Variants in ZC3H14 observed in about 807,000 individuals in gnomAD.
ZC3H14 encodes the protein zinc finger CCCH-type containing 14, also known as zinc finger CCCH domain-containing protein 14.
A neutral mutation model predicts 92.4 loss-of-function variants in ZC3H14; 31 were observed. The ratio of observed to expected loss-of-function variants is 0.34; its 90% CI spans 0.25 to 0.45. The LOEUF (loss-of-function observed/expected upper bound fraction) is 0.45. ZC3H14 is among the 20% of genes least tolerant of loss of function. ZC3H14 has a pLI of 1.00. For missense variants in ZC3H14, 781 were observed against 897.3 expected, an observed-to-expected ratio of 0.87 and a Z score of 1.66; for synonymous variants, 321 against 300.9, an observed-to-expected ratio of 1.07 and a Z score of -0.69.
rs989632826 is a variant in ZC3H14, at chr14:88,616,273, A to G, written c.*4522A>G. The G allele has an allele frequency of 6.2e-7, 1 of 1,601,578 alleles. No homozygotes were observed. Among genetic ancestry groups the G allele is most frequent in the African/African-American group, 1.3e-5 (1 of 74,778 alleles). ...AAACAATGACAGACAAGCTCAGGGC[A>G]TTTGGTGCACACAGAAGTCAAAGGC... is the stretch of plus-strand genomic sequence containing the variant. On this transcript the variant is annotated 3_prime_UTR_variant, in exon 17 of 17. Coordinates refer to ENST00000251038, the MANE Select transcript of ZC3H14 (RefSeq NM_024824.5).
At chr14:88,588,708 G>T (rs551642185) in intron 9 of ZC3H14, among the ~76,000 whole-genome samples, 1 of 152,204 alleles carries the variant, frequency 6.6e-6, no homozygotes, top group Non-Finnish European at 1.5e-5. Flanking sequence ...AAAATTTGCT[G>T]TCCTTGTTTT....
At chr14:88,577,560 T>G (rs1020874295) in intron 8 of ZC3H14, among the ~76,000 whole-genome samples, 22 of 152,138 alleles carry the variant, frequency 1.4e-4, no homozygotes, top group East Asian at 3.9e-4. Context: ...TATATGTTCT[T>G]TTCTTTTCTT....
In ZC3H14 at chr14:88,586,620, T is replaced by G. The variant is rs535701880; in HGVS notation, c.1279+8480T>G. The G allele has an allele frequency of 3.9e-5, 6 of 152,364 alleles. No individual in the cohort carries two copies. In the East Asian group the frequency reaches 1.2e-3, roughly 29 times the overall value. The allele number at this position is 152,364 out of a possible 1,614,324, so 9.4% of individuals were successfully genotyped here. ...GCTTTCAAGATCTTCTCTTTGTGTTTGATGTTCTGCAGTTTCACTACGATG... is the reference window on the plus strand; with the variant it reads ...GCTTTCAAGATCTTCTCTTTGTGTTGGATGTTCTGCAGTTTCACTACGATG... On this transcript the variant is annotated intron_variant, in intron 9 of 16. Transcript: ENST00000251038.
At position 88,616,706 on chromosome 14, in the gene ZC3H14, T is replaced by C. The variant is rs1286293245; in HGVS notation, c.*4955T>C. The stretch of plus-strand genomic sequence containing the variant: ...AAAATTAGGAGTAAACTGATAATAG[T>C]AAACAAAACACAAACTTACAAATTT... On this transcript the variant is annotated 3_prime_UTR_variant, in exon 17 of 17. Transcript: ENST00000251038. The C allele has an allele frequency of 6.2e-7, 1 of 1,604,340 alleles. No homozygotes were observed.
chr14:88,565,262 C>T (rs949797439), intron 2 of ZC3H14, among the ~76,000 whole-genome samples: 5 of 151,996 alleles, frequency 3.3e-5, no homozygotes, highest in African/African-American at 7.3e-5. Context: ...TTGCCTCAGC[C>T]TCCCGAGTAG....
At chr14:88,581,721 C>T (rs1187322602) in intron 9 of ZC3H14, among the ~76,000 whole-genome samples, 2 of 152,034 alleles carry the variant, frequency 1.3e-5, no homozygotes, top group Non-Finnish European at 2.9e-5. Flanking sequence ...AGGATGCAGG[C>T]GCCAACTTAG....
chr14:88,604,239 AAT>A (rs940431066), intron 12 of ZC3H14, among the ~76,000 whole-genome samples: 3 of 152,158 alleles, frequency 2.0e-5, no homozygotes, highest in African/African-American at 7.2e-5. Flanking sequence ...CACCATAAAT[AAT>A]ATGTTAGTAA....
chr14:88,621,378 T>C lies in ZC3H14; in HGVS notation c.*9627T>C, dbSNP rs2088889912. 4 of 1,554,190 alleles carry C rather than the reference T, an allele frequency of 2.6e-6. No individual in the cohort carries two copies. The South Asian group carries it at 4.5e-5, about 18-fold the overall frequency. ...CTTCTTCATAATATAAAAATGACCC[T>C]ATTGACCTGCTTTCAGAGAACTTTT... is the stretch of plus-strand genomic sequence containing the variant. On this transcript the variant is annotated 3_prime_UTR_variant, in exon 17 of 17. Transcript: ENST00000251038.
chr14:88,615,399 A>G lies in ZC3H14; in HGVS notation c.*3648A>G, dbSNP rs114068875. The G allele has an allele frequency of 3.7e-3, 578 of 156,442 alleles. 7 individuals carry two copies. Among genetic ancestry groups the G allele is most frequent in the African/African-American group, 0.013 (561 of 41,754 alleles). The allele number at this position is 156,442 out of a possible 1,614,324, so 9.7% of individuals were successfully genotyped here. A position where few individuals can be genotyped will look rare whatever the true frequency, so the allele number is the denominator to read the frequency against. Reference sequence around the variant, plus strand: ...AAATGCAAGAATAAAATATTTCATTAAACAATGAACCTTGAAAATAAAATA... The same window carrying G: ...AAATGCAAGAATAAAATATTTCATTGAACAATGAACCTTGAAAATAAAATA... On this transcript the variant is annotated 3_prime_UTR_variant, in exon 17 of 17. Coordinates refer to ENST00000251038, the MANE Select transcript of ZC3H14 (RefSeq NM_024824.5).
intron 9 of ZC3H14, among the ~76,000 whole-genome samples, chr14:88,588,761 CTTACT>C (rs2139862499): frequency 6.6e-6 from 1 of 152,184 alleles, no homozygotes; most frequent in Non-Finnish European, 1.5e-5. Context: ...ATGATAAGCC[CTTACT>C]TTAATCTGTC....
intron 14 of ZC3H14, 107 bp from the exon 15 acceptor site, chr14:88,609,605 T>C (rs1419981639): frequency 7.0e-6 from 10 of 1,421,482 alleles, no homozygotes; most frequent in Middle Eastern, 1.7e-4. Context: ...AACCTTACCA[T>C]TCTAATTTAA....
intron 9 of ZC3H14, chr14:88,594,557 T>G: frequency 6.9e-7 from 1 of 1,457,834 alleles, no homozygotes; most frequent in Non-Finnish European, 9.0e-7. Context: ...AACCCCATCT[T>G]TTGAATTACA....
intron 3 of ZC3H14, among the ~76,000 whole-genome samples, chr14:88,570,568 A>G (rs921686328): frequency 3.9e-5 from 6 of 152,194 alleles, no homozygotes; most frequent in African/African-American, 1.4e-4. Flanking sequence ...AATAAGCAAT[A>G]TTACATGTTT....
In ZC3H14 at chr14:88,616,292, C is replaced by G; in HGVS notation, c.*4541C>G. The G allele has an allele frequency of 1.3e-6, 2 of 1,544,540 alleles. No homozygotes were observed. The highest frequency in any genetic ancestry group is 1.8e-6 in the Non-Finnish European group (2 of 1,117,454). On this transcript the variant is annotated 3_prime_UTR_variant, in exon 17 of 17. Coordinates refer to ENST00000251038, the MANE Select transcript of ZC3H14 (RefSeq NM_024824.5). ...CAGGGCATTTGGTGCACACAGAAGT[C>G]AAAGGCTCTTATTAGGAACTATAAT...
At chr14:88,586,262 T>C (rs995321932) in intron 9 of ZC3H14, among the ~76,000 whole-genome samples, 1 of 152,258 alleles carries the variant, frequency 6.6e-6, no homozygotes, top group Non-Finnish European at 1.5e-5. Flanking sequence ...TGTTTATCAT[T>C]TTACTTATTC....
chr14:88,601,842 T>G (rs2084691917), intron 10 of ZC3H14, 82 bp from the exon 11 acceptor site: 12 of 1,501,826 alleles, frequency 8.0e-6, no homozygotes, highest in Non-Finnish European at 1.1e-5. Context: ...TATAAAAGAT[T>G]GACATTCTTC....
rs774938890 is a variant in ZC3H14 at position 88,574,706 on chromosome 14, G to A, written c.875G>A (p.Arg292Gln). ...EKMSMEDENF[R>Q]KRKLPVVSSV... ...ATCTGATTGCAGGATGAAAACTTTC[G>A]GAAGAGAAAGTTGCCTGTGGTAAGT... The change falls in exon 7 of 17, where the codon CGG (arginine) becomes CAG (glutamine). Residue 292 changes from arginine (R) to glutamine (Q), a missense_variant. Physicochemically the swap from Arg to Gln is conservative, Grantham distance 43. Transcript: ENST00000251038. 2.2e-5 allele frequency: 36 copies of A among 1,613,768 alleles called. 1 individual carries two copies. In the South Asian group the frequency reaches 3.4e-4, roughly 15 times the overall value.
At chr14:88,572,526 G>A (rs2080569295) in intron 5 of ZC3H14, 52 bp from the exon 6 acceptor site, 4 of 1,599,568 alleles carry the variant, frequency 2.5e-6, no homozygotes, top group Admixed American at 3.3e-5. Flanking sequence ...TAAAGATTTG[G>A]TGATAATTGC....
chr14:88,610,291 G>A lies in ZC3H14; in HGVS notation c.2097+488G>A, dbSNP rs1243257476. 5.3e-5 allele frequency among the ~76,000 whole-genome samples: 8 copies of A among 152,174 alleles called. No individual in the cohort carries two copies. The South Asian group carries it at 1.2e-3, about 24-fold the overall frequency. ...CACTTGCCCCCATCTGTAACTGGGC[G>A]TAGATGAGGGTACTCAGTGAAGAGT... is the stretch of plus-strand genomic sequence containing the variant. On this transcript the variant is annotated intron_variant, in intron 15 of 16. Coordinates refer to ENST00000251038, the MANE Select transcript of ZC3H14 (RefSeq NM_024824.5).
Sources: gnomAD v4.1 joint callset for allele counts (sites outside exome capture counted in the v4.1 genomes callset) on GRCh38, gnomAD v4.1.1 for gene constraint, MANE v1.5 for transcripts, NCBI Gene and HGNC (gene_info 2026-07-23, HGNC 2026-07-21) for gene names.